Variants in CARNMT1 observed in about 807,000 individuals in gnomAD.
CARNMT1 encodes carnosine N-methyltransferase 1, also known as protein-L-histidine N-pros-methyltransferase CARNMT1.
A neutral mutation model predicts 49.6 loss-of-function variants in CARNMT1; 28 were observed. The ratio of observed to expected loss-of-function variants is 0.56; its 90% CI spans 0.42 to 0.77. The LOEUF (loss-of-function observed/expected upper bound fraction) is 0.77, where lower values mean the gene tolerates loss of function less well. CARNMT1 is among the 30% of genes least tolerant of loss of function. The pLI is 0.00. For missense variants in CARNMT1, 421 were observed against 512.6 expected (o/e 0.82, Z 1.73); for synonymous variants, 178 against 175.0 (o/e 1.02, Z -0.13).
At position 74,981,510 on chromosome 9, in the gene CARNMT1, T is replaced by C. The variant is rs971838948; in HGVS notation, c.*2257A>G. On this transcript the variant is annotated 3_prime_UTR_variant, in exon 8 of 8. Transcript: ENST00000376834. ...ATACCACATTTTCAAGTTTAGAATATATTAACTGCAAAAGCTGTAAGAAAA... is the reference window on the plus strand; with the variant it reads ...ATACCACATTTTCAAGTTTAGAATACATTAACTGCAAAAGCTGTAAGAAAA... 1.3e-5 allele frequency: 2 copies of C among 152,166 alleles called. No individual in the cohort carries two copies. Among genetic ancestry groups the C allele is most frequent in the Admixed American group, 6.5e-5 (1 of 15,282 alleles). The allele number at this position is 152,166 out of a possible 1,614,324, so 9.4% of individuals were successfully genotyped here. A position where few individuals can be genotyped will look rare whatever the true frequency, so the allele number is the denominator to read the frequency against.
intron 3 of CARNMT1, among the ~76,000 whole-genome samples, chr9:75,010,964 A>G (rs145984594): frequency 2.3e-4 from 35 of 152,312 alleles, no homozygotes; most frequent in Non-Finnish European, 4.7e-4. Flanking sequence ...CTTTTGTTAT[A>G]TGCAATTCAC....
Position 74,982,436 on chromosome 9 carries a change from TACAAAG to T in CARNMT1, c.*1325_*1330del, listed in dbSNP as rs1473843558. ...AAACAGAATATCATACATTAAAAAA[TACAAAG>T]GAAAACTCCCTCCAATAAAGATCTG... On this transcript the variant is annotated 3_prime_UTR_variant, in exon 8 of 8. Coordinates refer to ENST00000376834, the MANE Select transcript of CARNMT1 (RefSeq NM_152420.3). 1 of 152,108 alleles carries T rather than the reference TACAAAG, an allele frequency of 6.6e-6. No individual in the cohort carries two copies. The highest frequency in any genetic ancestry group is 1.5e-5 in the Non-Finnish European group (1 of 68,028). 9.4% of individuals were successfully genotyped at this position (152,108 alleles called of 1,614,324 possible). A position where few individuals can be genotyped will look rare whatever the true frequency, so the allele number is the denominator to read the frequency against.
intron 5 of CARNMT1, among the ~76,000 whole-genome samples, 155 bp from the exon 6 acceptor site, chr9:74,996,715 CCAAA>C (rs139611924): frequency 0.063 from 9,613 of 152,012 alleles, 517 homozygotes; most frequent in Admixed American, 0.14. Context: ...ATTACAGTAA[CCAAA>C]CAGTCATTTA....
chr9:75,013,689 A>C (rs2118846816), intron 3 of CARNMT1, among the ~76,000 whole-genome samples: 1 of 152,264 alleles, frequency 6.6e-6, no homozygotes, highest in African/African-American at 2.4e-5. Context: ...TTTGTGGATG[A>C]CCAAAGAGGG....
intron 3 of CARNMT1, among the ~76,000 whole-genome samples, chr9:75,006,448 G>A (rs1833514658): frequency 6.6e-6 from 1 of 152,036 alleles, no homozygotes; most frequent in South Asian, 2.1e-4. Flanking sequence ...TAGGTTTCCT[G>A]TTTAGGTTTT....
intron 1 of CARNMT1, chr9:75,027,121 T>C (rs755839783): frequency 2.3e-6 from 3 of 1,304,088 alleles, no homozygotes; most frequent in African/African-American, 1.5e-5. Flanking sequence ...TGGACTCATA[T>C]CTCTTACGTG....
chr9:75,003,522 C>A (rs10781258), intron 3 of CARNMT1, among the ~76,000 whole-genome samples: 67,705 of 152,120 alleles, frequency 0.45, 15,334 homozygotes, highest in South Asian at 0.5. Flanking sequence ...CAAAGCCTAA[C>A]ACATTTACTG....
intron 1 of CARNMT1, among the ~76,000 whole-genome samples, chr9:75,024,047 G>A (rs1385381713): frequency 6.6e-6 from 1 of 152,106 alleles, no homozygotes; most frequent in East Asian, 1.9e-4. Context: ...CTAGAAACCT[G>A]GTGTCAGCAG....
intron 3 of CARNMT1, among the ~76,000 whole-genome samples, chr9:75,004,022 C>T (rs1310632674): frequency 6.6e-6 from 1 of 152,180 alleles, no homozygotes; most frequent in African/African-American, 2.4e-5. Context: ...ACTACAGGCC[C>T]GTGCCACCAC....
chr9:75,008,083 T>C (rs956207852), intron 3 of CARNMT1, among the ~76,000 whole-genome samples: 2 of 146,126 alleles, frequency 1.4e-5, no homozygotes, highest in Non-Finnish European at 3.0e-5. Flanking sequence ...AACACAGGGA[T>C]GTCAAATCTT....
At chr9:75,025,218 C>T (rs552915668) in intron 1 of CARNMT1, among the ~76,000 whole-genome samples, 1 of 152,168 alleles carries the variant, frequency 6.6e-6, no homozygotes, top group South Asian at 2.1e-4. Context: ...TCATATGGGA[C>T]CCATGGTGTT....
chr9:75,011,806 GACAA>G (rs1172875135), intron 3 of CARNMT1, among the ~76,000 whole-genome samples: 32 of 152,288 alleles, frequency 2.1e-4, no homozygotes, highest in African/African-American at 5.8e-4. Flanking sequence ...GCTTCCAACT[GACAA>G]ACAGAGAGCA....
At chr9:74,994,960 C>A (rs1330784899) in intron 6 of CARNMT1, among the ~76,000 whole-genome samples, 1 of 152,086 alleles carries the variant, frequency 6.6e-6, no homozygotes, top group Non-Finnish European at 1.5e-5. Context: ...TACATCTACT[C>A]TTATCAAACA....
chr9:75,011,643 T>TAG (rs1200069419), intron 3 of CARNMT1, among the ~76,000 whole-genome samples: 5 of 152,152 alleles, frequency 3.3e-5, no homozygotes, highest in Non-Finnish European at 4.4e-5. Flanking sequence ...ACTGGGATTA[T>TAG]AGACATGAGC....
chr9:75,027,779 T>A (rs1822573222), intron 1 of CARNMT1, among the ~76,000 whole-genome samples: 1 of 152,140 alleles, frequency 6.6e-6, no homozygotes, highest in Non-Finnish European at 1.5e-5. Flanking sequence ...GATCCTGAGG[T>A]CAGAAGACAC....
Position 74,983,626 on chromosome 9 carries a change from C to T in CARNMT1, c.*141G>A, listed in dbSNP as rs1427054669. 2 of 508,932 alleles carry T rather than the reference C, an allele frequency of 3.9e-6. No homozygotes were observed. Among genetic ancestry groups the T allele is most frequent in the Admixed American group, 3.6e-5 (1 of 27,782 alleles). The allele number at this position is 508,932 out of a possible 1,614,324, so 31.5% of individuals were successfully genotyped here. On this transcript the variant is annotated 3_prime_UTR_variant, in exon 8 of 8. Transcript: ENST00000376834. ...AATAGACATATTAAGAAAATAGACA[C>T]TATTTCTAAATTTCGTTAGGAATAA...
intron 6 of CARNMT1, among the ~76,000 whole-genome samples, chr9:74,995,624 A>G (rs1480386146): frequency 2.6e-5 from 4 of 152,184 alleles, no homozygotes; most frequent in Admixed American, 2.6e-4. Context: ...TTAAAATTAA[A>G]AAGAGAGTAG....
chr9:75,011,115 A>C (rs1833679183), intron 3 of CARNMT1, among the ~76,000 whole-genome samples: 1 of 152,150 alleles, frequency 6.6e-6, no homozygotes, highest in Non-Finnish European at 1.5e-5. Context: ...CCAACATATA[A>C]TTTCCCACCC....
intron 1 of CARNMT1, 109 bp downstream of exon 1, chr9:75,027,903 C>T (rs1206145359): frequency 4.0e-6 from 5 of 1,241,884 alleles, no homozygotes; most frequent in Non-Finnish European, 5.3e-6. Flanking sequence ...CGGGTCCCGA[C>T]GCCTCGGAGG....
Sources: allele counts gnomAD v4.1 joint callset (sites outside exome capture counted in the v4.1 genomes callset), GRCh38; gene constraint gnomAD v4.1.1; transcripts MANE v1.5; gene names NCBI Gene and HGNC (gene_info 2026-07-23, HGNC 2026-07-21).